The following LYPD6B variants were observed in gnomAD, a reference collection of about 807,000 sequenced individuals.
The protein encoded by LYPD6B is ly6/PLAUR domain-containing protein 6B.
LYPD6B carries 17 observed loss-of-function variants against 22.8 expected under a neutral mutation model. The observed-to-expected ratio is 0.75, with a 90% CI of 0.51 to 1.12. LYPD6B has a LOEUF of 1.12. Among genes scored for constraint, LYPD6B ranks in the 50% most tolerant of loss-of-function variants. The pLI is 0.00. For missense variants in LYPD6B, 221 were observed against 258.3 expected (o/e 0.86, Z 0.99); for synonymous variants, 106 against 91.6 (o/e 1.16, Z -0.90).
At chr2:149,159,518 TTGAAATTAGATGGCATACTAG>T (rs1335587872) in intron 2 of LYPD6B, among the ~76,000 whole-genome samples, 2 of 152,112 alleles carry the variant, frequency 1.3e-5, no homozygotes, top group Admixed American at 6.6e-5. Flanking sequence ...TCATTCTTTT[TTGAAATTAGATGGCATACTAG>T]TACTAATTAG....
intron 1 of LYPD6B, among the ~76,000 whole-genome samples, chr2:149,120,784 C>CTTTTTTTTTTTTTTTT (rs567231544): frequency 1.0e-5 from 1 of 95,554 alleles, no homozygotes. Flanking sequence ...GCTACAAAGT[C>CTTTTTTTTTTTTTTTT]TTTTTTTTTT....
chr2:149,144,549 G>A (rs1435311208), intron 2 of LYPD6B, among the ~76,000 whole-genome samples: 2 of 152,096 alleles, frequency 1.3e-5, no homozygotes, highest in South Asian at 2.1e-4. Flanking sequence ...CCGCCACCAC[G>A]CCTGGCTAAT....
intron 2 of LYPD6B, among the ~76,000 whole-genome samples, chr2:149,149,789 T>C (rs1689254027): frequency 6.6e-6 from 1 of 152,188 alleles, no homozygotes; most frequent in African/African-American, 2.4e-5. Context: ...CATGAATCAA[T>C]CCTTCCCCTT....
intron 1 of LYPD6B, among the ~76,000 whole-genome samples, chr2:149,114,408 C>T (rs1225147143): frequency 1.3e-5 from 2 of 152,190 alleles, no homozygotes; most frequent in African/African-American, 4.8e-5. Context: ...CAGTTCTTCC[C>T]TGCTACCCTA....
chr2:149,138,852 C>A (rs1184376197), intron 2 of LYPD6B, among the ~76,000 whole-genome samples: 3 of 152,304 alleles, frequency 2.0e-5, no homozygotes, highest in Non-Finnish European at 4.4e-5. Context: ...ACATGGCCAT[C>A]AGCAGAGGAC....
At position 149,041,098 on chromosome 2, in the gene LYPD6B, C is replaced by CAA. The variant is rs552623435; in HGVS notation, c.-67+2316_-67+2317dup. Among the ~76,000 whole-genome samples, 509 of 110,698 alleles carry CAA rather than the reference C, an allele frequency of 4.6e-3. 6 individuals are homozygous for CAA. The highest frequency in any genetic ancestry group is 0.019 in the African/African-American group (488 of 26,128). The allele number at this position is 110,698 out of a possible 152,430, so 72.6% of individuals were successfully genotyped here. On this transcript the variant is annotated intron_variant, in intron 1 of 6. Transcript: ENST00000409642. ...TGGGCAGCAGAGCAAGACTCCGTCT[C>CAA]AAAAAAAAAAAAAAAAAAAAGAAAA... is the stretch of plus-strand genomic sequence containing the variant.
intron 2 of LYPD6B, among the ~76,000 whole-genome samples, chr2:149,160,134 A>G (rs1189512941): frequency 6.6e-6 from 1 of 152,136 alleles, no homozygotes; most frequent in Non-Finnish European, 1.5e-5. Flanking sequence ...AGCCTGGGCC[A>G]GAGTGAGATC....
intron 2 of LYPD6B, among the ~76,000 whole-genome samples, chr2:149,148,511 G>C (rs1689172226): frequency 6.6e-6 from 1 of 152,212 alleles, no homozygotes; most frequent in Admixed American, 6.5e-5. Flanking sequence ...TGGACCTTTT[G>C]CAAATTCATA....
intron 1 of LYPD6B, among the ~76,000 whole-genome samples, chr2:149,060,516 G>A (rs1459558822): frequency 1.3e-5 from 2 of 152,108 alleles, no homozygotes; most frequent in African/African-American, 4.8e-5. Flanking sequence ...TAAAAATACT[G>A]TAAAACACAG....
At chr2:149,084,293 C>G (rs1412583486) in intron 1 of LYPD6B, among the ~76,000 whole-genome samples, 3 of 152,168 alleles carry the variant, frequency 2.0e-5, no homozygotes, top group East Asian at 3.8e-4. Context: ...TTCTTTCACT[C>G]CTTCTACCTT....
intron 1 of LYPD6B, among the ~76,000 whole-genome samples, chr2:149,080,024 AG>A (rs751140472): frequency 5.3e-5 from 8 of 152,184 alleles, no homozygotes; most frequent in Non-Finnish European, 1.2e-4. Context: ...ACATTGCCAA[AG>A]GGGACTATGT....
intron 1 of LYPD6B, among the ~76,000 whole-genome samples, chr2:149,078,754 C>T (rs1267379617): frequency 1.3e-5 from 2 of 152,154 alleles, no homozygotes; most frequent in Non-Finnish European, 2.9e-5. Flanking sequence ...TGCCTGTAGT[C>T]CCAGCAGCTT....
At chr2:149,082,450 G>A (rs970761371) in intron 1 of LYPD6B, among the ~76,000 whole-genome samples, 1 of 152,136 alleles carries the variant, frequency 6.6e-6, no homozygotes, top group Non-Finnish European at 1.5e-5. Flanking sequence ...TTTGAAAGGG[G>A]CTTGCATTAA....
At chr2:149,106,991 A>G (rs190122155) in intron 1 of LYPD6B, among the ~76,000 whole-genome samples, 3 of 152,212 alleles carry the variant, frequency 2.0e-5, no homozygotes, top group South Asian at 4.1e-4. Context: ...GCGGAACCCT[A>G]TATACACTAT....
chr2:149,143,093 A>T (rs1029589403), intron 2 of LYPD6B, among the ~76,000 whole-genome samples: 1 of 152,162 alleles, frequency 6.6e-6, no homozygotes, highest in Non-Finnish European at 1.5e-5. Context: ...AACATGCATA[A>T]TCATTCAGAT....
chr2:149,187,053 A>G (rs1454564909), intron 3 of LYPD6B, among the ~76,000 whole-genome samples: 5 of 152,340 alleles, frequency 3.3e-5, no homozygotes, highest in Admixed American at 3.3e-4. Flanking sequence ...GCATTTTAAA[A>G]TATTTTAAAA....
At chr2:149,214,448 C>T (rs1022468085) in intron 6 of LYPD6B, 98 bp from the exon 7 acceptor site, 10 of 1,289,920 alleles carry the variant, frequency 7.8e-6, no homozygotes, top group Non-Finnish European at 1.1e-5. Flanking sequence ...TGTCTGTCTT[C>T]AGATAGAGCT....
At chr2:149,209,365 G>A (rs1251238579) in intron 5 of LYPD6B, among the ~76,000 whole-genome samples, 1 of 152,116 alleles carries the variant, frequency 6.6e-6, no homozygotes, top group African/African-American at 2.4e-5. Context: ...AGGAGGTGGG[G>A]AGGTGAATGA....
intron 1 of LYPD6B, chr2:149,068,637 T>G: frequency 2.0e-6 from 1 of 512,292 alleles, no homozygotes; most frequent in South Asian, 1.5e-5. Context: ...CTTATTATTA[T>G]AGCTCCAGAA....
Sources: allele counts gnomAD v4.1 joint callset (sites outside exome capture counted in the v4.1 genomes callset), GRCh38; gene constraint gnomAD v4.1.1; transcripts MANE v1.5; gene names NCBI Gene and HGNC (gene_info 2026-07-23, HGNC 2026-07-21).